The following CLUAP1 variants were observed in gnomAD, a reference collection of about 807,000 sequenced individuals.
CLUAP1 encodes clusterin-associated protein 1.
In CLUAP1, 50 loss-of-function variants were observed where a neutral mutation model predicts 55.0. The observed-to-expected ratio is 0.91, with a 90% CI of 0.72 to 1.15. CLUAP1 has a LOEUF of 1.15. Among genes scored for constraint, CLUAP1 ranks in the 50% most tolerant of loss-of-function variants. The pLI is 0.00. For synonymous variants in CLUAP1, 195 were observed against 175.4 expected, an observed-to-expected ratio of 1.11 and a Z score of -0.88; for missense variants, 530 against 507.6, an observed-to-expected ratio of 1.04 and a Z score of -0.42.
At chr16:3,506,993 G>C (rs916469575) in intron 3 of CLUAP1, among the ~76,000 whole-genome samples, 3 of 151,654 alleles carry the variant, frequency 2.0e-5, no homozygotes, top group Non-Finnish European at 4.4e-5. Context: ...TCAGGAGATT[G>C]AGACTATCCT....
At chr16:3,532,720 T>G (rs1200767493) in intron 10 of CLUAP1, 66 bp from the exon 11 acceptor site, 1 of 1,547,746 alleles carries the variant, frequency 6.5e-7, no homozygotes, top group African/African-American at 1.4e-5. Flanking sequence ...AAACAAATCT[T>G]GAATGCTATT....
intron 7 of CLUAP1, among the ~76,000 whole-genome samples, chr16:3,520,948 C>T (rs530306572): frequency 6.6e-6 from 1 of 152,206 alleles, no homozygotes; most frequent in Admixed American, 6.5e-5. Context: ...TTCTTCTTGG[C>T]TCCCTCCTCT....
chr16:3,510,420 C>T (rs1250150483), intron 4 of CLUAP1, among the ~76,000 whole-genome samples: 1 of 152,156 alleles, frequency 6.6e-6, no homozygotes, highest in Admixed American at 6.5e-5. Context: ...TAGGCGTGAG[C>T]CACCGCGCCT....
At position 3,501,152 on chromosome 16, in the gene CLUAP1, C is replaced by A. The variant is rs1304948841; in HGVS notation, c.22+63C>A. On this transcript the variant is annotated intron_variant, in intron 1 of 11. Coordinates refer to ENST00000576634, the MANE Select transcript of CLUAP1 (RefSeq NM_015041.3). ...CCAGAGATTCAGGGCTCCCGCCCGC[C>A]GGGTCCCCTGTGTAGGCGATCCCTG... The A allele has an allele frequency of 2.7e-6, 4 of 1,508,292 alleles. No individual in the cohort carries two copies. The Admixed American group carries it at 5.8e-5, about 22-fold the overall frequency. The allele number at this position is 1,508,292 out of a possible 1,614,324, so 93.4% of individuals were successfully genotyped here.
Position 3,512,455 on chromosome 16 carries a change from C to CAGAG in CLUAP1, c.472_473insAGAG (p.Leu158GlnfsTer26). On this transcript the variant is annotated frameshift_variant, in exon 5 of 12. Coordinates refer to ENST00000576634, the MANE Select transcript of CLUAP1 (RefSeq NM_015041.3). LOFTEE classifies it high-confidence loss of function. The stretch of plus-strand genomic sequence containing the variant: ...CAAAGGAGCATCTCTGTATGACTTG[C>CAGAG]TCGGCATGGAAGTAGAGTTGAGGGT... 1 of 1,613,904 alleles carries CAGAG rather than the reference C, an allele frequency of 6.2e-7. No individual in the cohort carries two copies. Among genetic ancestry groups the CAGAG allele is most frequent in the Non-Finnish European group, 8.5e-7 (1 of 1,179,798 alleles).
chr16:3,518,095 G>A (rs905526519), intron 6 of CLUAP1, among the ~76,000 whole-genome samples: 2 of 152,162 alleles, frequency 1.3e-5, no homozygotes, highest in East Asian at 1.9e-4. Flanking sequence ...GGAAATACAC[G>A]CTAAAGTATT....
intron 1 of CLUAP1, among the ~76,000 whole-genome samples, chr16:3,503,762 T>C (rs532218637): frequency 6.6e-6 from 1 of 152,174 alleles, no homozygotes; most frequent in African/African-American, 2.4e-5. Flanking sequence ...AGTTAATTTT[T>C]TTTTTAATCT....
At chr16:3,501,353 G>C (rs997986083) in intron 1 of CLUAP1, among the ~76,000 whole-genome samples, 1 of 152,242 alleles carries the variant, frequency 6.6e-6, no homozygotes, top group African/African-American at 2.4e-5. Context: ...TGTGGCTAGT[G>C]CAGATGAATA....
chr16:3,504,963 T>C, intron 2 of CLUAP1, 132 bp downstream of exon 2: 1 of 655,014 alleles, frequency 1.5e-6, no homozygotes, highest in Non-Finnish European at 2.8e-6. Flanking sequence ...AGCTGTATTC[T>C]GTTACAAAGG....
At position 3,536,275 on chromosome 16, in the gene CLUAP1, T is replaced by G; in HGVS notation, c.*4T>G. ...TGAGAGTGACAATGACTTCTGACCC[T>G]TTTGCCAAGGGACCCTGGCAGATTA... On this transcript the variant is annotated 3_prime_UTR_variant, in exon 12 of 12. Transcript: ENST00000576634. The G allele has an allele frequency of 1.2e-6, 2 of 1,613,014 alleles. No individual in the cohort carries two copies. Among genetic ancestry groups the G allele is most frequent in the Non-Finnish European group, 1.7e-6 (2 of 1,179,456 alleles).
chr16:3,495,834 G>C, the CLUAP1 span, among the ~76,000 whole-genome samples: 2 of 152,248 alleles, frequency 1.3e-5, no homozygotes, highest in South Asian at 2.1e-4. Flanking sequence ...GGCTGGGGGC[G>C]GTGGCTCATG....
At chr16:3,523,055 G>C in intron 7 of CLUAP1, 103 bp from the exon 8 acceptor site, 1 of 914,726 alleles carries the variant, frequency 1.1e-6, no homozygotes, top group Non-Finnish European at 1.6e-6. Flanking sequence ...CTCTAATTAA[G>C]GGTTTCCAGA....
intron 5 of CLUAP1, chr16:3,515,285 C>A (rs1011903598): frequency 1.2e-5 from 5 of 401,516 alleles, no homozygotes; most frequent in African/African-American, 8.4e-5. Flanking sequence ...GTCACCTAGG[C>A]CTCTGGCTGA....
chr16:3,536,054 G>C (rs567097341), intron 11 of CLUAP1, 68 bp from the exon 12 acceptor site: 1 of 1,564,224 alleles, frequency 6.4e-7, no homozygotes, highest in Non-Finnish European at 8.7e-7. Context: ...GGGAGGCAGA[G>C]AGTCTTAGGA....
chr16:3,500,792 C>A (rs2151036580), upstream of CLUAP1: 1 of 538,012 alleles, frequency 1.9e-6, no homozygotes, highest in East Asian at 3.2e-5. Flanking sequence ...GTCCGCAAAG[C>A]GTGTAAACAG....
At chr16:3,527,079 CTGTGACCAGGCAG>C (rs761805427) in intron 9 of CLUAP1, among the ~76,000 whole-genome samples, 2 of 152,210 alleles carry the variant, frequency 1.3e-5, no homozygotes, top group Non-Finnish European at 2.9e-5. Flanking sequence ...AAGGAGCTCT[CTGTGACCAGGCAG>C]CTTCCCTTAT....
intron 1 of CLUAP1, among the ~76,000 whole-genome samples, chr16:3,503,100 C>T (rs1001405632): frequency 2.0e-5 from 3 of 152,134 alleles, no homozygotes; most frequent in African/African-American, 7.2e-5. Context: ...CCAGCCTCCC[C>T]AGTAACTGGA....
intron 5 of CLUAP1, 35 bp downstream of exon 5, chr16:3,512,513 T>A: frequency 6.7e-7 from 1 of 1,503,164 alleles, no homozygotes; most frequent in Non-Finnish European, 9.2e-7. Flanking sequence ...CCATGCAGAT[T>A]TTCTCTTCAA....
chr16:3,508,342 G>A lies in CLUAP1; in HGVS notation c.273G>A (p.Gly91=). ...CTAAGAAGCTTTATCAAGCAGATGG[G>A]TATGCGGTAAAAGAGCTGCTGAAGA... ...LNTKKLYQAD[G]YAVKELLKIT... The change falls in exon 4 of 12, where the codon GGG becomes GGA. Residue 91 remains glycine (G), a synonymous_variant. Coordinates refer to ENST00000576634, the MANE Select transcript of CLUAP1 (RefSeq NM_015041.3). 1 of 1,610,026 alleles carries A rather than the reference G, an allele frequency of 6.2e-7. No homozygotes were observed. Among genetic ancestry groups the A allele is most frequent in the East Asian group, 2.2e-5 (1 of 44,596 alleles).
Sources: gnomAD v4.1 joint callset for allele counts (sites outside exome capture counted in the v4.1 genomes callset) on GRCh38, gnomAD v4.1.1 for gene constraint, MANE v1.5 for transcripts, NCBI Gene and HGNC (gene_info 2026-07-23, HGNC 2026-07-21) for gene names.